BIRC6: variants seen among roughly 807,000 people sequenced by gnomAD.
BIRC6 encodes the protein baculoviral IAP repeat containing 6.
BIRC6 carries 98 observed loss-of-function variants against 503.3 expected under a neutral mutation model. The ratio of observed to expected loss-of-function variants is 0.19; its 90% confidence interval spans 0.17 to 0.23. The LOEUF (loss-of-function observed/expected upper bound fraction) is 0.23, where lower values mean the gene tolerates loss of function less well. Ranked by LOEUF, BIRC6 falls within the 10% of genes least tolerant of loss-of-function variation. BIRC6 has a pLI of 1.00. For synonymous variants in BIRC6, 2,240 were observed against 2,078.7 expected, an observed-to-expected ratio of 1.08 and a Z score of -2.11; for missense variants, 5,360 against 5,806.0, an observed-to-expected ratio of 0.92 and a Z score of 2.50.
At chr2:32,371,946 C>T (rs1333305623) in intron 1 of BIRC6, among the ~76,000 whole-genome samples, 1 of 151,964 alleles carries the variant, frequency 6.6e-6, no homozygotes, top group African/African-American at 2.4e-5. Context: ...GCTGGGATTA[C>T]AGGTGCCTGC....
chr2:32,610,767 T>C (rs1416011804), intron 72 of BIRC6, among the ~76,000 whole-genome samples: 1 of 152,172 alleles, frequency 6.6e-6, no homozygotes, highest in Non-Finnish European at 1.5e-5. Flanking sequence ...CCTCCCCTCC[T>C]CTCTTCTTTT....
At chr2:32,483,870 GTTAA>G (rs2050689865) in intron 39 of BIRC6, among the ~76,000 whole-genome samples, 1 of 152,162 alleles carries the variant, frequency 6.6e-6, no homozygotes, top group East Asian at 1.9e-4. Context: ...TATTGGTGAT[GTTAA>G]GTTTAACCAC....
chr2:32,526,162 T>A (rs1037865620), intron 59 of BIRC6, among the ~76,000 whole-genome samples: 1 of 152,222 alleles, frequency 6.6e-6, no homozygotes, highest in South Asian at 2.1e-4. Context: ...CGACCTCATA[T>A]GACGGTTACA....
At chr2:32,558,388 C>T (rs1429166234) in intron 65 of BIRC6, among the ~76,000 whole-genome samples, 2 of 152,096 alleles carry the variant, frequency 1.3e-5, no homozygotes, top group Non-Finnish European at 2.9e-5. Context: ...TTTAAAGCAA[C>T]TCTTTTGGGG....
intron 8 of BIRC6, among the ~76,000 whole-genome samples, chr2:32,403,851 A>G (rs1181149061): frequency 6.6e-6 from 1 of 152,076 alleles, no homozygotes; most frequent in Non-Finnish European, 1.5e-5. Context: ...TTGATGAAAT[A>G]TAGAGTAGTC....
At chr2:32,530,924 A>G (rs1027531016) in intron 60 of BIRC6, among the ~76,000 whole-genome samples, 1 of 152,112 alleles carries the variant, frequency 6.6e-6, no homozygotes, top group Non-Finnish European at 1.5e-5. Flanking sequence ...TTTGTCATTA[A>G]TTTTTCTTAA....
chr2:32,508,102 G>T lies in BIRC6; in HGVS notation c.9823G>T (p.Ala3275Ser). The change falls in exon 51 of 74, where the codon GCT becomes TCT. Residue 3275 changes from alanine to serine, a missense_variant. This residue lies in a region of BIRC6 where 62 missense variants were observed against 107.4 expected (regional missense o/e 0.58). Transcript: ENST00000421745. ...AATTCAGCTTGTAAAAGCCGAAGTA[G>T]CTTCTGCTGTCTGCCTTAGACTACA... ...IKIQLVKAEVASAVCLRLHRP... is the reference protein window; with the variant it reads ...IKIQLVKAEVSSAVCLRLHRP... 6.2e-7 allele frequency: 1 copy of T among 1,613,868 alleles called. No homozygotes were observed. Among genetic ancestry groups the T allele is most frequent in the East Asian group, 2.2e-5 (1 of 44,882 alleles).
chr2:32,587,231 A>G (rs1304952052), intron 66 of BIRC6, among the ~76,000 whole-genome samples: 1 of 152,174 alleles, frequency 6.6e-6, no homozygotes, highest in African/African-American at 2.4e-5. Context: ...TACTAAAAAT[A>G]CAAAAATTAG....
chr2:32,447,490 A>C (rs1421363145), intron 21 of BIRC6, among the ~76,000 whole-genome samples: 2 of 96,190 alleles, frequency 2.1e-5, no homozygotes, highest in African/African-American at 4.2e-5. Context: ...TGATCCCCCC[A>C]CCTCCCTCCC....
intron 9 of BIRC6, among the ~76,000 whole-genome samples, chr2:32,410,046 C>T (rs958811345): frequency 1.2e-4 from 18 of 152,162 alleles, no homozygotes; most frequent in African/African-American, 3.1e-4. Context: ...ATACCATTTA[C>T]TTTGAATATT....
At chr2:32,473,415 A>G (rs535904559) in intron 33 of BIRC6, among the ~76,000 whole-genome samples, 176 bp downstream of exon 33, 310 of 152,306 alleles carry the variant, frequency 2.0e-3, no homozygotes, top group African/African-American at 6.9e-3. Flanking sequence ...ACGACAATGT[A>G]TAGTTTACAG....
chr2:32,529,330 G>C (rs1558980287), intron 59 of BIRC6: 9 of 215,674 alleles, frequency 4.2e-5, no homozygotes. Flanking sequence ...AGACTATATG[G>C]CCCCCCCAGG....
At chr2:32,448,650 C>G (rs369648857) in intron 21 of BIRC6, 145 bp from the exon 22 acceptor site, 4 of 609,690 alleles carry the variant, frequency 6.6e-6, no homozygotes, top group African/African-American at 2.1e-5. Flanking sequence ...GGAAGGGGAC[C>G]GTGGAGAGGG....
intron 1 of BIRC6, among the ~76,000 whole-genome samples, chr2:32,369,719 C>T (rs898212078): frequency 2.0e-5 from 3 of 151,366 alleles, no homozygotes; most frequent in Admixed American, 6.6e-5. Flanking sequence ...TGAGCCATCT[C>T]GCCCGGCGCC....
intron 6 of BIRC6, among the ~76,000 whole-genome samples, chr2:32,396,694 AAG>A (rs2039931076): frequency 1.3e-5 from 2 of 152,186 alleles, no homozygotes; most frequent in Admixed American, 6.5e-5. Flanking sequence ...TAAGCACAGA[AAG>A]AGATTAATAA....
chr2:32,605,106 C>T (rs2062353468), intron 71 of BIRC6, among the ~76,000 whole-genome samples: 2 of 152,232 alleles, frequency 1.3e-5, no homozygotes, highest in South Asian at 4.2e-4. Flanking sequence ...TGGCCTCGAG[C>T]CCCTGATCTC....
At chr2:32,375,545 C>T (rs1224170246) in intron 1 of BIRC6, among the ~76,000 whole-genome samples, 1 of 151,990 alleles carries the variant, frequency 6.6e-6, no homozygotes, top group Admixed American at 6.6e-5. Flanking sequence ...CCTCGGCCTC[C>T]CAAAGTGCTG....
At chr2:32,605,782 C>T (rs779556885) in intron 71 of BIRC6, among the ~76,000 whole-genome samples, 15 of 152,022 alleles carry the variant, frequency 9.9e-5, no homozygotes, top group East Asian at 1.9e-4. Flanking sequence ...TGCTTGAACC[C>T]GGGAGGCAGA....
At chr2:32,525,655 A>T in intron 59 of BIRC6, 27 bp downstream of exon 59, 1 of 1,589,358 alleles carries the variant, frequency 6.3e-7, no homozygotes, top group Non-Finnish European at 8.6e-7. Context: ...AATAAACGTC[A>T]AAGAAATTTT....
Sources: allele counts gnomAD v4.1 joint callset (sites outside exome capture counted in the v4.1 genomes callset), GRCh38; gene constraint gnomAD v4.1.1; regional missense constraint gnomAD v4.1.1; transcripts MANE v1.5; gene names NCBI Gene and HGNC (gene_info 2026-07-23, HGNC 2026-07-21).